The following CPVL variants were observed in gnomAD, a reference collection of about 807,000 sequenced individuals.
CPVL encodes the protein carboxypeptidase vitellogenic like, also known as probable serine carboxypeptidase CPVL.
Under a neutral mutation model 63.7 loss-of-function variants are expected in CPVL, and 51 were observed. The ratio of observed to expected loss-of-function variants is 0.80; its 90% CI spans 0.64 to 1.01. CPVL has a LOEUF of 1.01. CPVL is among the 50% of genes least tolerant of loss of function. The pLI, the probability that CPVL is intolerant of heterozygous loss-of-function variation, is 0.00. For synonymous variants in CPVL, 195 were observed against 206.0 expected (o/e 0.95, Z 0.46); for missense variants, 530 against 573.1 (o/e 0.92, Z 0.77).
intron 1 of CPVL, among the ~76,000 whole-genome samples, chr7:29,125,312 T>C (rs1789879463): frequency 6.6e-6 from 1 of 151,680 alleles, no homozygotes; most frequent in Non-Finnish European, 1.5e-5. Flanking sequence ...ACTGACTTGA[T>C]CAAGATGACA....
Position 29,066,023 on chromosome 7 carries a change from C to T in CPVL, c.963G>A (p.Thr321=), listed in dbSNP as rs780578983. The part of the protein sequence containing the change: ...CSNYYNFLRC[T]EPEDQLYYVK... Reference sequence around the variant, plus strand: ...ATTATGGTTTTTAAAATGTCATTACCGTGCACCGCAAAAAGTTATAGTAAT... The same window carrying T: ...ATTATGGTTTTTAAAATGTCATTACTGTGCACCGCAAAAAGTTATAGTAAT... The change falls in exon 10 of 13, where the codon ACG becomes ACA. Residue 321 remains threonine, a splice_region_variant and synonymous_variant. Coordinates refer to ENST00000265394, the MANE Select transcript of CPVL (RefSeq NM_031311.5). 7.7e-6 allele frequency: 12 copies of T among 1,555,946 alleles called. No homozygotes were observed. The Admixed American group carries it at 1.1e-4, about 14-fold the overall frequency.
At chr7:29,084,135 C>A (rs979035841) in intron 7 of CPVL, among the ~76,000 whole-genome samples, 1 of 152,150 alleles carries the variant, frequency 6.6e-6, no homozygotes, top group African/African-American at 2.4e-5. Context: ...TCTAAATGTT[C>A]TTTCAGTGAA....
chr7:29,174,071 T>C (rs1011501381), intron 5 of CPVL, among the ~76,000 whole-genome samples: 2 of 151,936 alleles, frequency 1.3e-5, no homozygotes, highest in Admixed American at 6.6e-5. Context: ...CTCTTCATAG[T>C]CTCCATGGGG....
intron 11 of CPVL, among the ~76,000 whole-genome samples, chr7:29,044,412 G>A (rs1789418752): frequency 6.6e-6 from 1 of 152,048 alleles, no homozygotes; most frequent in Non-Finnish European, 1.5e-5. Flanking sequence ...GTGAGACTCT[G>A]TCTCAAAAAA....
chr7:29,031,597 T>TA, intron 11 of CPVL, among the ~76,000 whole-genome samples: 1 of 152,258 alleles, frequency 6.6e-6, no homozygotes, highest in African/African-American at 2.4e-5. Flanking sequence ...CCCCCAAACT[T>TA]AAAAATGTTG....
intron 11 of CPVL, among the ~76,000 whole-genome samples, chr7:29,059,714 G>A (rs161051): frequency 0.82 from 124,971 of 152,126 alleles, 52,182 homozygotes; most frequent in African/African-American, 0.95. Flanking sequence ...TCATTTACAA[G>A]TGACCTTTGG....
chr7:29,074,659 C>T (rs1784068243), intron 7 of CPVL, among the ~76,000 whole-genome samples: 1 of 151,666 alleles, frequency 6.6e-6, no homozygotes, highest in Admixed American at 6.6e-5. Flanking sequence ...CCATGCTATT[C>T]TCATGATAGT....
chr7:29,191,996 G>C (rs1246372947), intron 1 of CPVL: 2 of 151,844 alleles, frequency 1.3e-5, no homozygotes, highest in Admixed American at 1.3e-4. Flanking sequence ...TATTCATGTT[G>C]AGTTTTCTGC....
intron 3 of CPVL, among the ~76,000 whole-genome samples, chr7:29,097,084 G>T (rs1376270436): frequency 6.6e-6 from 1 of 151,784 alleles, no homozygotes; most frequent in Non-Finnish European, 1.5e-5. Flanking sequence ...AGCCCCAGGG[G>T]CCTTTAGCCA....
chr7:29,155,975 C>T (rs1031880928), intron 5 of CPVL, among the ~76,000 whole-genome samples: 5 of 152,054 alleles, frequency 3.3e-5, no homozygotes, highest in Non-Finnish European at 7.4e-5. Flanking sequence ...CCAGCTGTGC[C>T]CCTTGGGCTG....
chr7:29,180,823 C>T (rs1035109486), intron 5 of CPVL, among the ~76,000 whole-genome samples: 4 of 152,124 alleles, frequency 2.6e-5, no homozygotes, highest in African/African-American at 9.7e-5. Context: ...GGACAAGACT[C>T]GTATCATCCG....
intron 1 of CPVL, chr7:29,194,926 C>A: frequency 6.4e-7 from 1 of 1,556,962 alleles, no homozygotes; most frequent in Non-Finnish European, 8.6e-7. Flanking sequence ...AGCAGCGACG[C>A]GAGGGGCGCG....
At chr7:29,186,455 C>G (rs1449530410) in exon 2 of CPVL, 1 of 152,028 alleles carries the variant, frequency 6.6e-6, no homozygotes, top group East Asian at 1.9e-4. Context: ...GCCTGTAGTC[C>G]CAGCTGCTTG....
At chr7:29,005,395 A>T (rs1414770844) in intron 12 of CPVL, among the ~76,000 whole-genome samples, 1 of 152,226 alleles carries the variant, frequency 6.6e-6, no homozygotes, top group Non-Finnish European at 1.5e-5. Flanking sequence ...AAGGATTATA[A>T]TACAGTCTTC....
chr7:29,137,023 C>T (rs1384711817), intron 1 of CPVL, among the ~76,000 whole-genome samples: 1 of 152,186 alleles, frequency 6.6e-6, no homozygotes, highest in Non-Finnish European at 1.5e-5. Context: ...GCCTGGACTA[C>T]TGCAAACCTC....
In CPVL at chr7:28,997,509, A is replaced by T. The variant is rs892113604; in HGVS notation, c.1321-1627T>A. On this transcript the variant is annotated intron_variant, in intron 12 of 12. Transcript: ENST00000265394. Reference sequence around the variant, plus strand: ...TAAGTAGGATTAACACTATTAGATGATATTTACCTTGCAGCTCGCAGCTAT... The same window carrying T: ...TAAGTAGGATTAACACTATTAGATGTTATTTACCTTGCAGCTCGCAGCTAT... Among the ~76,000 whole-genome samples, 10 of 152,238 alleles carry T rather than the reference A, an allele frequency of 6.6e-5. No homozygotes were observed. The East Asian group carries it at 1.5e-3, about 23-fold the overall frequency.
At chr7:29,120,379 G>A (rs1268126091) in intron 2 of CPVL, among the ~76,000 whole-genome samples, 5 of 151,852 alleles carry the variant, frequency 3.3e-5, no homozygotes, top group South Asian at 2.1e-4. Flanking sequence ...CAGAGATTGC[G>A]CCACCGCACT....
chr7:29,102,508 TC>T (rs1229904062), intron 3 of CPVL, among the ~76,000 whole-genome samples: 1 of 152,090 alleles, frequency 6.6e-6, no homozygotes, highest in African/African-American at 2.4e-5. Flanking sequence ...AAATAAAACC[TC>T]TACTAATGAC....
chr7:28,994,843 G>A (rs964112272), downstream of CPVL, among the ~76,000 whole-genome samples: 6 of 151,494 alleles, frequency 4.0e-5, no homozygotes, highest in African/African-American at 1.5e-4. Context: ...ATATGAGAAG[G>A]AAGTGATGTG....
Sources: gnomAD v4.1 joint callset for allele counts (sites outside exome capture counted in the v4.1 genomes callset) on GRCh38, gnomAD v4.1.1 for gene constraint, MANE v1.5 for transcripts, NCBI Gene and HGNC (gene_info 2026-07-23, HGNC 2026-07-21) for gene names.